CNTNAP5: variants seen among roughly 807,000 people sequenced by gnomAD.
CNTNAP5 encodes contactin associated protein family member 5.
Under a neutral mutation model 150.2 loss-of-function variants are expected in CNTNAP5, and 72 were observed. The ratio of observed to expected loss-of-function variants is 0.48; its 90% CI spans 0.40 to 0.58. The LOEUF (loss-of-function observed/expected upper bound fraction) is 0.58. Among genes scored for constraint, CNTNAP5 ranks in the 20% least tolerant of loss-of-function variants. CNTNAP5 has a pLI of 0.00. For synonymous variants in CNTNAP5, 672 were observed against 619.8 expected (o/e 1.08, Z -1.25); for missense variants, 1,636 against 1,626.2 (o/e 1.01, Z -0.10).
At chr2:124,705,091 A>G (rs13035047) in intron 13 of CNTNAP5, among the ~76,000 whole-genome samples, 24,725 of 152,124 alleles carry the variant, frequency 0.16, 2,286 homozygotes, top group East Asian at 0.24. Flanking sequence ...CAACATATAT[A>G]TAGTTAAATG....
chr2:124,904,943 C>T (rs1678499574), intron 22 of CNTNAP5, among the ~76,000 whole-genome samples: 1 of 145,664 alleles, frequency 6.9e-6, no homozygotes, highest in East Asian at 2.1e-4. Context: ...AAGGAAAAGG[C>T]AATCTACAGA....
At chr2:124,589,920 C>T (rs957596428) in intron 11 of CNTNAP5, among the ~76,000 whole-genome samples, 13 of 152,140 alleles carry the variant, frequency 8.5e-5, no homozygotes, top group African/African-American at 2.2e-4. Context: ...AAACTTAATG[C>T]TTAATGCAGC....
Position 124,556,703 on chromosome 2 carries a change from A to G in CNTNAP5, c.1650-6514A>G, listed in dbSNP as rs147407026. ...CAGGACAGCTTCTGAAGGCCCAGCC[A>G]GCAGGAATTGCTCACATCTTGGATA... On this transcript the variant is annotated intron_variant, in intron 10 of 23. Coordinates refer to ENST00000682447, the MANE Select transcript of CNTNAP5 (RefSeq NM_001367498.1). 2.1e-3 allele frequency among the ~76,000 whole-genome samples: 320 copies of G among 152,282 alleles called. 1 individual carries two copies. Among genetic ancestry groups the G allele is most frequent in the African/African-American group, 7.0e-3 (292 of 41,566 alleles).
intron 3 of CNTNAP5, among the ~76,000 whole-genome samples, chr2:124,260,618 T>G (rs1453640808): frequency 1.3e-5 from 2 of 152,230 alleles, no homozygotes; most frequent in Non-Finnish European, 2.9e-5. Flanking sequence ...AATCTACTCA[T>G]TTGACAAAGG....
chr2:124,314,482 A>T (rs1484441601), intron 3 of CNTNAP5, among the ~76,000 whole-genome samples: 1 of 152,164 alleles, frequency 6.6e-6, no homozygotes, highest in Non-Finnish European at 1.5e-5. Context: ...ACATTGAGGC[A>T]CCAATTGACT....
At chr2:124,402,314 C>T (rs1015774988) in intron 3 of CNTNAP5, among the ~76,000 whole-genome samples, 1 of 152,102 alleles carries the variant, frequency 6.6e-6, no homozygotes, top group South Asian at 2.1e-4. Flanking sequence ...AGCACTAATA[C>T]CCACTGAAGG....
chr2:124,242,513 T>C, intron 3 of CNTNAP5, 120 bp downstream of exon 3: 1 of 911,540 alleles, frequency 1.1e-6, no homozygotes, highest in Non-Finnish European at 1.6e-6. Flanking sequence ...TGAGTGCCCA[T>C]TAGAAATAAT....
chr2:124,588,198 TTC>T (rs1266475028), intron 11 of CNTNAP5, among the ~76,000 whole-genome samples: 1 of 143,882 alleles, frequency 7.0e-6, no homozygotes, highest in Non-Finnish European at 1.5e-5. Flanking sequence ...CTTTCTTTCT[TTC>T]TTTCTTTCTT....
intron 1 of CNTNAP5, among the ~76,000 whole-genome samples, chr2:124,097,215 G>A (rs1198804918): frequency 1.3e-5 from 2 of 152,108 alleles, no homozygotes; most frequent in African/African-American, 4.8e-5. Flanking sequence ...GAAAGGTAGA[G>A]GTTACCTGAT....
chr2:124,853,474 A>G (rs1270404974), intron 19 of CNTNAP5, among the ~76,000 whole-genome samples: 2 of 152,126 alleles, frequency 1.3e-5, no homozygotes, highest in Non-Finnish European at 2.9e-5. Flanking sequence ...AATGGCTGCT[A>G]AGGTTCTCAT....
chr2:124,377,363 C>G (rs953328195), intron 3 of CNTNAP5, among the ~76,000 whole-genome samples: 1 of 152,014 alleles, frequency 6.6e-6, no homozygotes, highest in Admixed American at 6.6e-5. Flanking sequence ...AGAAACAAAA[C>G]AAAAGAAATT....
At chr2:124,852,847 T>C (rs1683185056) in intron 19 of CNTNAP5, among the ~76,000 whole-genome samples, 1 of 152,140 alleles carries the variant, frequency 6.6e-6, no homozygotes, top group African/African-American at 2.4e-5. Context: ...GGCACATGTA[T>C]AGGGGTTCTG....
At chr2:124,281,810 G>T (rs906654067) in intron 3 of CNTNAP5, among the ~76,000 whole-genome samples, 4 of 152,156 alleles carry the variant, frequency 2.6e-5, no homozygotes, top group Non-Finnish European at 5.9e-5. Flanking sequence ...GAAAGCGAGA[G>T]GCATCTTTTA....
At chr2:124,392,726 G>GA (rs1691148994) in intron 3 of CNTNAP5, among the ~76,000 whole-genome samples, 3 of 143,262 alleles carry the variant, frequency 2.1e-5, no homozygotes, top group South Asian at 2.2e-4. Flanking sequence ...AGAAGGAGGG[G>GA]AGGAAAAAAA....
intron 14 of CNTNAP5, among the ~76,000 whole-genome samples, chr2:124,762,982 T>G (rs1301083323): frequency 2.0e-5 from 3 of 152,212 alleles, no homozygotes; most frequent in Non-Finnish European, 4.4e-5. Flanking sequence ...CTCAGCCAAA[T>G]GATGTGGCCC....
intron 13 of CNTNAP5, among the ~76,000 whole-genome samples, chr2:124,670,964 G>A (rs975173959): frequency 6.6e-6 from 1 of 152,080 alleles, no homozygotes; most frequent in African/African-American, 2.4e-5. Context: ...TAAGTCAGAG[G>A]TTAGTGTCTG....
intron 3 of CNTNAP5, among the ~76,000 whole-genome samples, chr2:124,263,068 G>T (rs541463584): frequency 6.6e-6 from 1 of 152,190 alleles, no homozygotes; most frequent in South Asian, 2.1e-4. Context: ...ATCTGGATTG[G>T]TTCCAAGTCT....
chr2:124,226,639 T>G (rs552144284), intron 2 of CNTNAP5, among the ~76,000 whole-genome samples: 1 of 152,300 alleles, frequency 6.6e-6, no homozygotes, highest in African/African-American at 2.4e-5. Context: ...TTGTCTTTGT[T>G]GTCTGTGCTT....
intron 8 of CNTNAP5, among the ~76,000 whole-genome samples, chr2:124,513,578 G>C (rs954018831): frequency 1.3e-5 from 2 of 152,170 alleles, no homozygotes; most frequent in African/African-American, 4.8e-5. Flanking sequence ...TTTGCCACAC[G>C]CATGAATACA....
Sources: allele counts gnomAD v4.1 joint callset (sites outside exome capture counted in the v4.1 genomes callset), GRCh38; gene constraint gnomAD v4.1.1; transcripts MANE v1.5; gene names NCBI Gene and HGNC (gene_info 2026-07-23, HGNC 2026-07-21).